VPS13D: variants seen among roughly 807,000 people sequenced by gnomAD.
VPS13D encodes intermembrane lipid transfer protein VPS13D.
In VPS13D, 187 loss-of-function variants were observed where a neutral mutation model predicts 461.9. The ratio of observed to expected loss-of-function variants is 0.40; its 90% CI spans 0.36 to 0.46. The LOEUF is 0.46. VPS13D is among the 20% of genes least tolerant of loss of function. The pLI is 0.60. For synonymous variants in VPS13D, 1,951 were observed against 1,986.3 expected, an observed-to-expected ratio of 0.98 and a Z score of 0.47; for missense variants, 4,711 against 5,364.9, an observed-to-expected ratio of 0.88 and a Z score of 3.81.
At chr1:12,243,896 T>C (rs1640460978) in intron 3 of VPS13D, among the ~76,000 whole-genome samples, 1 of 152,188 alleles carries the variant, frequency 6.6e-6, no homozygotes, top group Admixed American at 6.5e-5. Context: ...GAAATGAGTT[T>C]AGTGTCCATG....
intron 13 of VPS13D, 37 bp from the exon 14 acceptor site, chr1:12,266,844 T>G (rs192949381): frequency 1.4e-5 from 20 of 1,477,356 alleles, no homozygotes; most frequent in Admixed American, 7.2e-5. Flanking sequence ...TAGGCTCTCA[T>G]AAGCATTGTA....
At chr1:12,441,328 T>C (rs1475801675) in intron 65 of VPS13D, among the ~76,000 whole-genome samples, 1 of 152,156 alleles carries the variant, frequency 6.6e-6, no homozygotes, top group African/African-American at 2.4e-5. Flanking sequence ...GCACTCGAAC[T>C]GTGTTTCAGG....
intron 67 of VPS13D, among the ~76,000 whole-genome samples, chr1:12,480,880 G>A (rs1165950053): frequency 2.6e-5 from 4 of 152,174 alleles, no homozygotes; most frequent in Non-Finnish European, 4.4e-5. Context: ...CAATCCTTTG[G>A]AAAGGGAGCA....
intron 40 of VPS13D, among the ~76,000 whole-genome samples, chr1:12,339,839 T>C (rs1473423429): frequency 6.6e-6 from 1 of 152,234 alleles, no homozygotes; most frequent in African/African-American, 2.4e-5. Flanking sequence ...TCCAAAGCAG[T>C]ATACTTGTGA....
At chr1:12,420,044 G>T (rs1278295841) in intron 65 of VPS13D, among the ~76,000 whole-genome samples, 3 of 152,172 alleles carry the variant, frequency 2.0e-5, no homozygotes, top group African/African-American at 7.2e-5. Context: ...TTGTTATTTG[G>T]CACATGACTG....
chr1:12,293,140 G>T (rs1014289043), intron 23 of VPS13D, among the ~76,000 whole-genome samples: 9 of 152,156 alleles, frequency 5.9e-5, no homozygotes, highest in African/African-American at 1.9e-4. Flanking sequence ...CATTGATTCT[G>T]ATGCCTAATT....
rs72868272 is a variant in VPS13D, at chr1:12,409,356, G to A, written c.12030+5383G>A. On this transcript the variant is annotated intron_variant, in intron 63 of 69. Transcript: ENST00000620676. ...TTGAATTTCAATTAAATGTATTCTT[G>A]TTCCAAAATAATTTAAGGCAGTCTC... Among the ~76,000 whole-genome samples, 695 of 152,022 alleles carry A rather than the reference G, an allele frequency of 4.6e-3. 6 individuals are homozygous for A. The highest frequency in any genetic ancestry group is 0.016 in the African/African-American group (657 of 41,454).
rs762685510 is a variant in VPS13D, at chr1:12,460,388, C to T, written c.12654C>T (p.Ser4218=). Reference sequence around the variant, plus strand: ...CGGTGAGAGACACAGCCACACTCAGCGGCCCCAGGTCAGTGGTGTGGGAAG... The same window carrying T: ...CGGTGAGAGACACAGCCACACTCAGTGGCCCCAGGTCAGTGGTGTGGGAAG... ...AQAVRDTATL[S]GPRTQAQRVR... is the part of the protein sequence containing the mutation. Residue 4218 remains serine, a synonymous_variant, in exon 67 of 70, where the codon AGC becomes AGT. Transcript: ENST00000620676. 2.6e-5 allele frequency: 42 copies of T among 1,594,174 alleles called. No homozygotes were observed. The highest frequency in any genetic ancestry group is 1.8e-4 in the Middle Eastern group (1 of 5,676).
At position 12,433,258 on chromosome 1, in the gene VPS13D, GA is replaced by G. The variant is rs530607755; in HGVS notation, c.12333+16443del. 3.6e-3 allele frequency among the ~76,000 whole-genome samples: 511 copies of G among 140,994 alleles called. 2 individuals are homozygous for G. The highest frequency in any genetic ancestry group is 5.3e-3 in the Non-Finnish European group (338 of 64,322). 92.5% of individuals were successfully genotyped at this position (140,994 alleles called of 152,430 possible). ...TTCGCTTTAATCTGGAACGCTTGGG[GA>G]AAAAAAAAAAACAAAAAAACAAAAA... On this transcript the variant is annotated intron_variant, in intron 65 of 69. Coordinates refer to ENST00000620676, the MANE Select transcript of VPS13D (RefSeq NM_015378.4).
At position 12,443,069 on chromosome 1, in the gene VPS13D, A is replaced by G. The variant is rs1405548910; in HGVS notation, c.12334-12929A>G. Reference sequence around the variant, plus strand: ...CTTAGCTTAGACAGTAGAATATACCAGTACTTTTCAAGCCTTCCAGGTGAC... The same window carrying G: ...CTTAGCTTAGACAGTAGAATATACCGGTACTTTTCAAGCCTTCCAGGTGAC... On this transcript the variant is annotated intron_variant, in intron 65 of 69. Transcript: ENST00000620676. Among the ~76,000 whole-genome samples, 4 of 152,274 alleles carry G rather than the reference A, an allele frequency of 2.6e-5. No individual in the cohort carries two copies. The East Asian group carries it at 7.7e-4, about 29-fold the overall frequency.
intron 17 of VPS13D, among the ~76,000 whole-genome samples, chr1:12,272,021 G>A (rs1197787321): frequency 1.3e-5 from 2 of 152,086 alleles, no homozygotes; most frequent in African/African-American, 4.8e-5. Flanking sequence ...GTGAGACCTT[G>A]TCTCTACAAA....
At position 12,495,699 on chromosome 1, in the gene VPS13D, G is replaced by T. The variant is rs534895733; in HGVS notation, c.12663-1801G>T. Among the ~76,000 whole-genome samples the T allele has an allele frequency of 3.9e-5, 6 of 152,338 alleles. No individual in the cohort carries two copies. In the East Asian group the frequency reaches 9.6e-4, roughly 24 times the overall value. On this transcript the variant is annotated intron_variant, in intron 67 of 69. Coordinates refer to ENST00000620676, the MANE Select transcript of VPS13D (RefSeq NM_015378.4). This position sits in a 1 kb window ranked among gnomAD's most constrained non-coding sequence, Gnocchi z 4.0. ...ACGAGTCTGAATCAAACCTTACGTTGAAAGTGATGAGGAAGCAGACCCTGC... is the reference window on the plus strand; with the variant it reads ...ACGAGTCTGAATCAAACCTTACGTTTAAAGTGATGAGGAAGCAGACCCTGC...
chr1:12,307,305 G>A (rs1001328841), intron 26 of VPS13D, among the ~76,000 whole-genome samples: 1 of 152,130 alleles, frequency 6.6e-6, no homozygotes, highest in Non-Finnish European at 1.5e-5. Context: ...GAATTTAGAT[G>A]AGAGGGGCGG....
intron 67 of VPS13D, among the ~76,000 whole-genome samples, chr1:12,462,121 A>G (rs906203826): frequency 6.6e-6 from 1 of 152,222 alleles, no homozygotes; most frequent in African/African-American, 2.4e-5. Flanking sequence ...CTCTGGTCTC[A>G]AAGAGCTTAT....
chr1:12,487,592 CAG>C (rs1444344226), intron 67 of VPS13D, among the ~76,000 whole-genome samples: 1 of 147,978 alleles, frequency 6.8e-6, no homozygotes, highest in Non-Finnish European at 1.5e-5. Context: ...GCCTGGGCGA[CAG>C]AGCGAGATTC....
intron 13 of VPS13D, among the ~76,000 whole-genome samples, chr1:12,263,359 G>A (rs1442866675): frequency 1.3e-5 from 2 of 152,188 alleles, no homozygotes; most frequent in African/African-American, 4.8e-5. Context: ...TTGAACTCAG[G>A]TGGGAATGTG....
chr1:12,248,986 C>T (rs1296343664), intron 5 of VPS13D, among the ~76,000 whole-genome samples: 1 of 151,854 alleles, frequency 6.6e-6, no homozygotes, highest in Non-Finnish European at 1.5e-5. Context: ...CATATTATAA[C>T]ATAACATAAC....
rs574398030 is a variant in VPS13D at position 12,240,147 on chromosome 1, C to T, written c.98-2366C>T. ...ATTTTTTCCTTTACATTCTCTCTCT[C>T]CTTTCTAGATCTCCTCCTTTGCCCT... On this transcript the variant is annotated intron_variant, in intron 2 of 69. Transcript: ENST00000620676. 8.5e-5 allele frequency among the ~76,000 whole-genome samples: 13 copies of T among 152,208 alleles called. No individual in the cohort carries two copies. In the South Asian group the frequency reaches 2.3e-3, roughly 27 times the overall value.
At position 12,342,905 on chromosome 1, in the gene VPS13D, ACT is replaced by A. The variant is rs1445233418; in HGVS notation, c.8745_8746del (p.His2916GlnfsTer17). 1 of 1,610,380 alleles carries A rather than the reference ACT, an allele frequency of 6.2e-7. No individual in the cohort carries two copies. The highest frequency in any genetic ancestry group is 1.7e-5 in the Admixed American group (1 of 59,988). ...TCATCTGATTTGGTTCCAGAGCTGC[ACT>A]CTCTCACAGTGGGAGTCCAGGGGTA... The part of the protein sequence containing the change: ...TLTTTPTRAA[L>X]SHSGSPGVVP... On this transcript the variant is annotated frameshift_variant, in exon 42 of 70. Coordinates refer to ENST00000620676, the MANE Select transcript of VPS13D (RefSeq NM_015378.4). LOFTEE classifies it high-confidence loss of function.
Sources: allele counts gnomAD v4.1 joint callset (sites outside exome capture counted in the v4.1 genomes callset), GRCh38; gene constraint gnomAD v4.1.1; non-coding constraint Gnocchi (gnomAD v3.1); transcripts MANE v1.5; gene names NCBI Gene and HGNC (gene_info 2026-07-23, HGNC 2026-07-21).